Variants in PPAT observed in about 807,000 individuals in gnomAD.
PPAT encodes phosphoribosyl pyrophosphate amidotransferase.
Under a neutral mutation model 60.2 loss-of-function variants are expected in PPAT, and 20 were observed. The ratio of observed to expected loss-of-function variants is 0.33; its 90% CI spans 0.23 to 0.48. PPAT has a LOEUF of 0.48. Among genes scored for constraint, PPAT ranks in the 20% least tolerant of loss-of-function variants. The pLI is 0.99. For missense variants in PPAT, 349 were observed against 629.6 expected (o/e 0.55, Z 4.77); for synonymous variants, 194 against 215.1 (o/e 0.90, Z 0.86).
chr4:56,397,391 A>C (rs570539669), intron 9 of PPAT, among the ~76,000 whole-genome samples: 1 of 152,342 alleles, frequency 6.6e-6, no homozygotes, highest in East Asian at 1.9e-4. Context: ...TTCCAGAGTA[A>C]GATGATCATA....
intron 1 of PPAT, among the ~76,000 whole-genome samples, chr4:56,424,857 C>T (rs1439492457): frequency 6.6e-6 from 1 of 152,206 alleles, no homozygotes; most frequent in African/African-American, 2.4e-5. Flanking sequence ...TTCCCGCAAG[C>T]CACTGCTTTC....
chr4:56,419,881 T>G, intron 1 of PPAT: 1 of 984,636 alleles, frequency 1.0e-6, no homozygotes, highest in Non-Finnish European at 1.2e-6. Flanking sequence ...GAATACAAGA[T>G]CGTAAGAACA....
At chr4:56,408,525 C>A (rs1226247167) in intron 1 of PPAT, among the ~76,000 whole-genome samples, 2 of 150,324 alleles carry the variant, frequency 1.3e-5, no homozygotes, top group Non-Finnish European at 2.9e-5. Context: ...TAGGTGGAGG[C>A]GGGTGGACCA....
rs1198574639 is a variant in PPAT at position 56,393,390 on chromosome 4, C to G, written c.*1962G>C. 3 of 149,752 alleles carry G rather than the reference C, an allele frequency of 2.0e-5. No homozygotes were observed. The highest frequency in any genetic ancestry group is 2.0e-4 in the Admixed American group (3 of 15,016). The allele number at this position is 149,752 out of a possible 1,614,324, so 9.3% of individuals were successfully genotyped here. A position where few individuals can be genotyped will look rare whatever the true frequency, so the allele number is the denominator to read the frequency against. ...AAACATACTTATTACACATATTTATCAACAAGGCATCACAAATAAGTCACA... is the reference window on the plus strand; with the variant it reads ...AAACATACTTATTACACATATTTATGAACAAGGCATCACAAATAAGTCACA... On this transcript the variant is annotated 3_prime_UTR_variant, in exon 11 of 11. Transcript: ENST00000264220.
intron 1 of PPAT, chr4:56,410,571 G>C (rs1716400932): frequency 1.0e-6 from 1 of 986,476 alleles, no homozygotes; most frequent in Non-Finnish European, 1.2e-6. Context: ...GCTTTGCTAA[G>C]TGTCTGGGCA....
At chr4:56,413,857 A>C (rs1396286615) in intron 1 of PPAT, among the ~76,000 whole-genome samples, 3 of 152,180 alleles carry the variant, frequency 2.0e-5, no homozygotes, top group Admixed American at 6.5e-5. Flanking sequence ...AGATCACACC[A>C]CTGCACTCCA....
chr4:56,399,792 C>T (rs1301196620), intron 8 of PPAT: 1 of 160,138 alleles, frequency 6.2e-6, no homozygotes, highest in African/African-American at 2.4e-5. Context: ...GTAATTAACC[C>T]ATTTATCAAG....
intron 1 of PPAT, among the ~76,000 whole-genome samples, chr4:56,433,397 TAAAA>T (rs34598008): frequency 1.7e-5 from 2 of 118,260 alleles, no homozygotes; most frequent in African/African-American, 3.2e-5. Context: ...TGGTATTCAT[TAAAA>T]AAAAAAAAAA....
At chr4:56,419,594 T>G (rs984807452) in intron 1 of PPAT, 3 of 839,556 alleles carry the variant, frequency 3.6e-6, no homozygotes, top group Non-Finnish European at 4.3e-6. Flanking sequence ...ATATATCTTT[T>G]ACCTCTCTAC....
intron 1 of PPAT, among the ~76,000 whole-genome samples, chr4:56,433,726 G>A (rs1052659363): frequency 2.0e-5 from 3 of 147,964 alleles, no homozygotes; most frequent in African/African-American, 7.6e-5. Flanking sequence ...ACGGAGTCTC[G>A]CTCTGTCGCC....
At chr4:56,423,629 T>C (rs994679690) in intron 1 of PPAT, among the ~76,000 whole-genome samples, 1 of 151,730 alleles carries the variant, frequency 6.6e-6, no homozygotes, top group Middle Eastern at 3.4e-3. Flanking sequence ...TTTTTACATG[T>C]AGAAGAAAAA....
Position 56,435,549 on chromosome 4 carries a change from G to A in PPAT, c.-72C>T, listed in dbSNP as rs189152163. The A allele has an allele frequency of 5.0e-6, 8 of 1,607,032 alleles. No individual in the cohort carries two copies. The African/African-American group carries it at 8.0e-5, about 16-fold the overall frequency. On this transcript the variant is annotated 5_prime_UTR_variant, in exon 1 of 11. Transcript: ENST00000264220. ...GTAAGCACCAACCAGCTGCCAGCTC[G>A]GCCCGTCGAGCTCAGAAGCTCGCGC...
chr4:56,408,598 C>T (rs2110041881), intron 1 of PPAT, among the ~76,000 whole-genome samples: 1 of 150,432 alleles, frequency 6.6e-6, no homozygotes, highest in South Asian at 2.1e-4. Context: ...ACTAAAAATA[C>T]AAAAAATGAG....
Position 56,401,484 on chromosome 4 carries a change from T to C in PPAT, c.735-3A>G, listed in dbSNP as rs1463103855. The C allele has an allele frequency of 6.3e-6, 10 of 1,584,526 alleles. No individual in the cohort carries two copies. The highest frequency in any genetic ancestry group is 8.6e-6 in the Non-Finnish European group (10 of 1,164,284). ...CAGGCAAGACTTCACGGTAATATCT[T>C]GGGAAACAATGTTAAAGAAAGAAGA... On this transcript the variant is annotated splice_polypyrimidine_tract_variant and splice_region_variant and intron_variant, in intron 6 of 10. Coordinates refer to ENST00000264220, the MANE Select transcript of PPAT (RefSeq NM_002703.5).
intron 1 of PPAT, chr4:56,429,064 C>A: frequency 2.7e-6 from 1 of 367,168 alleles, no homozygotes; most frequent in Non-Finnish European, 3.8e-6. Context: ...GTTGCTTTTT[C>A]CTGATAACAG....
intron 9 of PPAT, among the ~76,000 whole-genome samples, chr4:56,398,834 G>T (rs527946551): frequency 1.9e-3 from 294 of 151,026 alleles, no homozygotes; most frequent in Non-Finnish European, 3.1e-3. Flanking sequence ...TTTTATTTTT[G>T]TAGAGACAGG....
intron 9 of PPAT, among the ~76,000 whole-genome samples, chr4:56,397,459 C>T (rs1716004327): frequency 6.6e-6 from 1 of 152,120 alleles, no homozygotes; most frequent in South Asian, 2.1e-4. Flanking sequence ...ATCTTGGAAA[C>T]TTTCTAAATA....
chr4:56,425,434 G>C, intron 1 of PPAT: 4 of 931,834 alleles, frequency 4.3e-6, no homozygotes, highest in Non-Finnish European at 5.1e-6. Context: ...TTACAAATGT[G>C]AAAAAAGAAA....
chr4:56,419,856 A>T (rs1012515397), intron 1 of PPAT: 18 of 984,650 alleles, frequency 1.8e-5, no homozygotes, highest in Middle Eastern at 5.2e-4. Flanking sequence ...AACAAAATAC[A>T]AAAACCTAAA....
Sources: allele counts gnomAD v4.1 joint callset (sites outside exome capture counted in the v4.1 genomes callset), GRCh38; gene constraint gnomAD v4.1.1; transcripts MANE v1.5; gene names NCBI Gene and HGNC (gene_info 2026-07-23, HGNC 2026-07-21).